Variants in DIAPH2 observed in about 807,000 individuals in gnomAD.
DIAPH2 encodes protein diaphanous homolog 2.
A neutral mutation model predicts 92.7 loss-of-function variants in DIAPH2; 35 were observed. The ratio of observed to expected loss-of-function variants is 0.38; its 90% confidence interval spans 0.29 to 0.50. The LOEUF (loss-of-function observed/expected upper bound fraction) is 0.50. Ranked by LOEUF, DIAPH2 falls within the 20% of genes least tolerant of loss-of-function variation. The pLI is 0.94. For synonymous variants in DIAPH2, 301 were observed against 280.4 expected, an observed-to-expected ratio of 1.07 and a Z score of -0.73; for missense variants, 701 against 819.5, an observed-to-expected ratio of 0.86 and a Z score of 1.77.
intron 22 of DIAPH2, among the ~76,000 whole-genome samples, chrX:97,201,307 G>A (rs2067747631): frequency 1.8e-5 from 2 of 109,071 alleles, no homozygotes; most frequent in Admixed American, 2.0e-4. Flanking sequence ...AAAACTGGAC[G>A]GAGGATGAGA....
At chrX:97,167,547 G>A (rs1380889283) in intron 22 of DIAPH2, among the ~76,000 whole-genome samples, 2 of 111,303 alleles carry the variant, frequency 1.8e-5, no homozygotes, top group African/African-American at 6.5e-5. Context: ...ACCTGCTGAA[G>A]GGACCTCAGA....
At chrX:97,144,637 TA>T (rs2067231260) in intron 22 of DIAPH2, among the ~76,000 whole-genome samples, 1 of 110,669 alleles carries the variant, frequency 9.0e-6, no homozygotes. Flanking sequence ...TATATATATA[TA>T]TTTTATATAG....
At chrX:97,547,556 T>C (rs1002405491) in intron 26 of DIAPH2, among the ~76,000 whole-genome samples, 2 of 112,412 alleles carry the variant, frequency 1.8e-5, no homozygotes, top group African/African-American at 6.5e-5. Context: ...CTGACCAGCA[T>C]ACCTCTTACT....
chrX:96,886,296 T>A lies in DIAPH2; in HGVS notation c.587+4578T>A, dbSNP rs1308401142. Among the ~76,000 whole-genome samples, 4 of 109,927 alleles carry A rather than the reference T, an allele frequency of 3.6e-5. No individual in the cohort carries two copies. In the East Asian group the frequency reaches 1.1e-3, roughly 31 times the overall value. On this transcript the variant is annotated intron_variant, in intron 5 of 26. Transcript: ENST00000324765. Reference sequence around the variant, plus strand: ...GAGGAAATAAAAAACATATACTTTTTAATGAATATATGTTATATTTTATAT... The same window carrying A: ...GAGGAAATAAAAAACATATACTTTTAAATGAATATATGTTATATTTTATAT...
intron 25 of DIAPH2, among the ~76,000 whole-genome samples, chrX:97,399,780 CT>C (rs2069737437): frequency 8.9e-6 from 1 of 112,567 alleles, no homozygotes; most frequent in Admixed American, 9.4e-5. Flanking sequence ...ACCTGTTTTT[CT>C]CTTTCATTAC....
At chrX:97,439,630 C>T (rs1362094656) in intron 26 of DIAPH2, among the ~76,000 whole-genome samples, 1 of 108,358 alleles carries the variant, frequency 9.2e-6, no homozygotes, top group Admixed American at 9.8e-5. Context: ...ACCTGTAGTC[C>T]GAGCTACTCA....
chrX:97,005,902 G>A (rs2066178385), intron 17 of DIAPH2, among the ~76,000 whole-genome samples: 1 of 77,441 alleles, frequency 1.3e-5, no homozygotes, highest in Non-Finnish European at 2.3e-5. Flanking sequence ...TTTATTTGAA[G>A]TTTTTCTTTT....
intron 12 of DIAPH2, among the ~76,000 whole-genome samples, 198 bp downstream of exon 12, chrX:96,939,580 G>GTA (rs1219076192): frequency 1.7e-5 from 1 of 59,064 alleles, no homozygotes; most frequent in African/African-American, 5.4e-5. Context: ...GTGTGTGTGT[G>GTA]TATATGTGTG....
chrX:96,997,000 A>G (rs763051940), intron 17 of DIAPH2, among the ~76,000 whole-genome samples: 2 of 112,048 alleles, frequency 1.8e-5, no homozygotes, highest in East Asian at 5.6e-4. Flanking sequence ...GCGAACAGTC[A>G]GATTTGTTGC....
chrX:97,410,505 C>A (rs1346495465), intron 25 of DIAPH2, among the ~76,000 whole-genome samples: 1 of 111,963 alleles, frequency 8.9e-6, no homozygotes, highest in Non-Finnish European at 1.9e-5. Flanking sequence ...ACCTCTTCTC[C>A]TCCAAAGGAT....
intron 5 of DIAPH2, among the ~76,000 whole-genome samples, chrX:96,901,556 T>TTTTTTTTTTTTTTTTTTTTTTA (rs2065396053): frequency 1.2e-5 from 1 of 84,710 alleles, no homozygotes; most frequent in Non-Finnish European, 2.3e-5. Flanking sequence ...TTTTTTTTTT[T>TTTTTTTTTTTTTTTTTTTTTTA]TTTGAGACAA....
intron 17 of DIAPH2, among the ~76,000 whole-genome samples, chrX:96,987,430 C>T (rs188929683): frequency 4.5e-5 from 5 of 111,297 alleles, no homozygotes; most frequent in African/African-American, 1.6e-4. Flanking sequence ...AGACCTATGA[C>T]CCATGGAATG....
At chrX:97,489,338 T>C (rs144219121) in intron 26 of DIAPH2, among the ~76,000 whole-genome samples, 3,381 of 111,643 alleles carry the variant, frequency 0.03, 39 homozygotes, top group Middle Eastern at 0.047. Context: ...TTGTGGAATA[T>C]TTAGGGTTTT....
At chrX:96,777,416 GA>G (rs757113731) in intron 4 of DIAPH2, among the ~76,000 whole-genome samples, 31 of 106,274 alleles carry the variant, frequency 2.9e-4, no homozygotes, top group African/African-American at 1.1e-3. Flanking sequence ...GAATAATTTG[GA>G]AAAAATCTAG....
intron 19 of DIAPH2, among the ~76,000 whole-genome samples, chrX:97,096,256 A>C (rs1230045994): frequency 8.9e-6 from 1 of 112,431 alleles, no homozygotes; most frequent in African/African-American, 3.2e-5. Flanking sequence ...AACAGAAGCA[A>C]TTGTAGTATC....
chrX:96,950,847 C>T (rs891565797), intron 15 of DIAPH2, among the ~76,000 whole-genome samples: 3 of 111,434 alleles, frequency 2.7e-5, no homozygotes, highest in Non-Finnish European at 3.8e-5. Context: ...TCTGACTGCT[C>T]CCCTAACTAC....
intron 4 of DIAPH2, among the ~76,000 whole-genome samples, chrX:96,872,211 TA>T (rs1250900557): frequency 9.0e-6 from 1 of 111,429 alleles, no homozygotes; most frequent in African/African-American, 3.3e-5. Flanking sequence ...CCCATTCTGT[TA>T]AACTATACTT....
intron 22 of DIAPH2, among the ~76,000 whole-genome samples, chrX:97,171,575 G>C (rs1371811427): frequency 8.9e-6 from 1 of 112,317 alleles, no homozygotes; most frequent in African/African-American, 3.2e-5. Context: ...TCTGACAGAA[G>C]AGGCCTTGTC....
chrX:97,522,410 G>GT (rs2070997484), intron 26 of DIAPH2, among the ~76,000 whole-genome samples: 1 of 112,232 alleles, frequency 8.9e-6, no homozygotes, highest in African/African-American at 3.2e-5. Flanking sequence ...TCCTCCCACA[G>GT]TGCTGGGATT....
Sources: gnomAD v4.1 joint callset for allele counts (sites outside exome capture counted in the v4.1 genomes callset) on GRCh38, gnomAD v4.1.1 for gene constraint, MANE v1.5 for transcripts, NCBI Gene and HGNC (gene_info 2026-07-23, HGNC 2026-07-21) for gene names.